Variants in MPG observed in about 807,000 individuals in gnomAD.
MPG encodes the protein DNA-3-methyladenine glycosylase.
Under a neutral mutation model 31.7 loss-of-function variants are expected in MPG, and 33 were observed. The observed-to-expected ratio is 1.04, with a 90% CI of 0.79 to 1.39. The LOEUF is 1.39. Among genes scored for constraint, MPG ranks in the 40% most tolerant of loss-of-function variants. The probability of loss-of-function intolerance (pLI) is 0.00; values close to 1 mark genes in which losing one functional copy is unlikely to be tolerated. For missense variants in MPG, 455 were observed against 415.5 expected (o/e 1.10, Z -0.83); for synonymous variants, 202 against 169.2 (o/e 1.19, Z -1.51).
At chr16:77,052 C>T (rs1343508996), upstream of MPG, 1 of 152,306 alleles carries the variant, frequency 6.6e-6, no homozygotes, top group African/African-American at 2.4e-5. Context: ...GACACATGGC[C>T]TGTGCGTCTG....
At chr16:80,006 C>T (rs1194112740) in intron 2 of MPG, among the ~76,000 whole-genome samples, 1 of 152,258 alleles carries the variant, frequency 6.6e-6, no homozygotes, top group Non-Finnish European at 1.5e-5. Flanking sequence ...GGCAATCCAC[C>T]TCAGTTTTTC....
chr16:85,685 G>T lies in MPG; in HGVS notation c.790G>T (p.Glu264Ter), dbSNP rs778997276. 7.1e-5 allele frequency: 110 copies of T among 1,557,242 alleles called. No homozygotes were observed. Among genetic ancestry groups the T allele is most frequent in the Non-Finnish European group, 9.3e-5 (107 of 1,148,838 alleles). Residue 264 changes from glutamate to a stop codon, truncating the protein, a stop_gained, in exon 4 of 4, where the codon GAG becomes TAG. Transcript: ENST00000356432. LOFTEE classifies it high-confidence loss of function. ...AARVGVGHAG[E>*]WARKPLRFYV... The stretch of plus-strand genomic sequence containing the variant: ...CCGGGTGGGCGTCGGCCATGCAGGG[G>T]AGTGGGCCCGGAAACCCCTCCGCTT...
At position 85,586 on chromosome 16, in the gene MPG, C is replaced by T; in HGVS notation, c.691C>T (p.Leu231=). The T allele has an allele frequency of 1.2e-6, 2 of 1,613,062 alleles. No homozygotes were observed. The highest frequency in any genetic ancestry group is 1.7e-6 in the Non-Finnish European group (2 of 1,179,708). The change falls in exon 4 of 4, where the codon CTG becomes TTG. Residue 231 remains leucine, a synonymous_variant. Transcript: ENST00000356432. ...AINKSFDQRD[L]AQDEAVWLER... ...CAACAAGAGCTTTGACCAGAGGGAC[C>T]TGGCACAGGATGAAGCTGTATGGCT...
At chr16:80,883 AG>A (rs1316143470) in intron 2 of MPG, among the ~76,000 whole-genome samples, 12 of 152,234 alleles carry the variant, frequency 7.9e-5, no homozygotes, top group African/African-American at 2.9e-4. Flanking sequence ...TCGTAGGAAC[AG>A]GGCAAGGGCG....
At chr16:80,548 T>C (rs769129511) in intron 2 of MPG, among the ~76,000 whole-genome samples, 15 of 152,208 alleles carry the variant, frequency 9.9e-5, no homozygotes, top group Admixed American at 3.3e-4. Flanking sequence ...TGGTGGCTCA[T>C]GCCGGTAATC....
At position 83,119 on chromosome 16, in the gene MPG, TG is replaced by T; in HGVS notation, c.372del (p.Pro125GlnfsTer22). 1 of 1,612,990 alleles carries T rather than the reference TG, an allele frequency of 6.2e-7. No homozygotes were observed. Among genetic ancestry groups the T allele is most frequent in the South Asian group, 1.1e-5 (1 of 91,060 alleles). On this transcript the variant is annotated frameshift_variant, in exon 3 of 4. Coordinates refer to ENST00000356432, the MANE Select transcript of MPG (RefSeq NM_001015052.3). LOFTEE classifies it high-confidence loss of function. ...CGCATCGTGGAGACCGAGGCATACC[TG>T]GGGCCAGAGGATGAAGCCGCCCACT... is the stretch of plus-strand genomic sequence containing the variant. ...RGRIVETEAY[L>X]GPEDEAAHSR...
intron 3 of MPG, among the ~76,000 whole-genome samples, chr16:85,035 G>A (rs1030766287): frequency 2.6e-5 from 4 of 152,274 alleles, no homozygotes; most frequent in Admixed American, 2.6e-4. Flanking sequence ...AAGACCAGGG[G>A]AAGCCAGGTG....
chr16:81,172 T>C (rs547092839), intron 2 of MPG, among the ~76,000 whole-genome samples: 1 of 152,266 alleles, frequency 6.6e-6, no homozygotes, highest in East Asian at 1.9e-4. Flanking sequence ...CTCTCTGGGC[T>C]GAGGAGGGTG....
Position 83,767 on chromosome 16 carries a change from G to T in MPG, c.505+511G>T, listed in dbSNP as rs3176423. On this transcript the variant is annotated intron_variant, in intron 3 of 3. Transcript: ENST00000356432. ...AAAAAAAAAAAAAAGGAAAGGAAAAGAAAGGGTTGGTTGGAGTGGAGGCAG... is the reference window on the plus strand; with the variant it reads ...AAAAAAAAAAAAAAGGAAAGGAAAATAAAGGGTTGGTTGGAGTGGAGGCAG... Among the ~76,000 whole-genome samples the T allele has an allele frequency of 7.6e-3, 1,152 of 151,362 alleles. 10 individuals carry two copies. Among genetic ancestry groups the T allele is most frequent in the Non-Finnish European group, 0.013 (884 of 67,792 alleles).
rs1006181928 is a variant in MPG at position 78,994 on chromosome 16, T to TGTCC, written c.25-429_25-428insCCGT. On this transcript the variant is annotated intron_variant, in intron 1 of 3. Coordinates refer to ENST00000356432, the MANE Select transcript of MPG (RefSeq NM_001015052.3). ...TCCGACCTTGGCCCTGCTAAGATCC[T>TGTCC]GTGTTTTGAATTCTGGCAAGGGTTG... 2.2e-6 allele frequency: 3 copies of TGTCC among 1,378,610 alleles called. No homozygotes were observed. The African/African-American group carries it at 4.4e-5, about 20-fold the overall frequency. 85.4% of individuals were successfully genotyped at this position (1,378,610 alleles called of 1,614,324 possible).
At chr16:78,479 A>G (rs1010203209) in intron 1 of MPG, 146 bp downstream of exon 1, 3 of 728,848 alleles carry the variant, frequency 4.1e-6, no homozygotes, top group Non-Finnish European at 5.3e-6. Flanking sequence ...GCATAGGCCA[A>G]GGGCCAAGCT....
intron 2 of MPG, among the ~76,000 whole-genome samples, chr16:81,933 C>T (rs1291057846): frequency 4.5e-5 from 6 of 133,236 alleles, no homozygotes; most frequent in African/African-American, 1.3e-4. Context: ...TTCTTCCCAC[C>T]ACCCTACCTC....
chr16:83,049 C>T lies in MPG; in HGVS notation c.301-3C>T, dbSNP rs762993083. On this transcript the variant is annotated splice_region_variant and splice_polypyrimidine_tract_variant and intron_variant, in intron 2 of 3. Transcript: ENST00000356432. ...GCCCTGAGCAGAAACTGACTGCCCA[C>T]AGGTCCTAGTCCGGCGACTTCCTAA... 7 of 1,588,908 alleles carry T rather than the reference C, an allele frequency of 4.4e-6. 1 individual carries two copies. In the South Asian group the frequency reaches 6.8e-5, roughly 15 times the overall value.
Position 78,269 on chromosome 16 carries a change from C to T in MPG, c.-41C>T, listed in dbSNP as rs1448610505. On this transcript the variant is annotated 5_prime_UTR_variant, in exon 1 of 4. Transcript: ENST00000356432. ...TGGTCGGCGGCTGCTGGGCTCCGCG[C>T]CGGGGTCCGAGTCCCACGAAGCCCC... 3 of 1,370,110 alleles carry T rather than the reference C, an allele frequency of 2.2e-6. No homozygotes were observed. The highest frequency in any genetic ancestry group is 3.1e-5 in the South Asian group (2 of 64,484). The allele number at this position is 1,370,110 out of a possible 1,614,324, so 84.9% of individuals were successfully genotyped here.
chr16:85,104 C>T (rs886797770), intron 3 of MPG, among the ~76,000 whole-genome samples: 13 of 152,318 alleles, frequency 8.5e-5, no homozygotes, highest in Middle Eastern at 3.4e-3. Flanking sequence ...TTTGTGGGGG[C>T]GGCCACAGTG....
At chr16:81,444 C>A (rs947123388) in intron 2 of MPG, among the ~76,000 whole-genome samples, 7 of 152,184 alleles carry the variant, frequency 4.6e-5, no homozygotes, top group Non-Finnish European at 8.8e-5. Context: ...GGCATTCCCT[C>A]TAAGCTCCAG....
At chr16:81,683 CACACT>C (rs1898241931) in intron 2 of MPG, among the ~76,000 whole-genome samples, 1 of 121,254 alleles carries the variant, frequency 8.2e-6, no homozygotes, top group African/African-American at 4.2e-5. Context: ...GAATGCTCCC[CACACT>C]GACCCCTTCT....
Position 79,532 on chromosome 16 carries a change from C to CGATGCAG in MPG, c.133_139dup (p.Ala47GlyfsTer64), listed in dbSNP as rs371197661. 59 of 1,612,976 alleles carry CGATGCAG rather than the reference C, an allele frequency of 3.7e-5. No individual in the cohort carries two copies. In the African/African-American group the frequency reaches 5.9e-4, roughly 16 times the overall value. On this transcript the variant is annotated frameshift_variant, in exon 2 of 4. Transcript: ENST00000356432. LOFTEE classifies it high-confidence loss of function. ...CTGCAGAGCAGCCACACAGCTCGTC[C>CGATGCAG]GATGCAGCCCAGGCACCTTGCCCCA...
Position 85,662 on chromosome 16 carries a change from G to C in MPG, c.767G>C (p.Arg256Pro), listed in dbSNP as rs774213821. 3 of 1,584,064 alleles carry C rather than the reference G, an allele frequency of 1.9e-6. No homozygotes were observed. In the South Asian group the frequency reaches 3.4e-5, roughly 18 times the overall value. Residue 256 changes from arginine (R) to proline (P), a missense_variant, in exon 4 of 4, where the codon CGG becomes CCG. Transcript: ENST00000356432. Reference protein sequence around the residue: ...PSEPAVVAAARVGVGHAGEWA... With the variant: ...PSEPAVVAAAPVGVGHAGEWA... ...GAGCCGGCTGTAGTGGCAGCAGCCC[G>C]GGTGGGCGTCGGCCATGCAGGGGAG...
Sources: allele counts gnomAD v4.1 joint callset (sites outside exome capture counted in the v4.1 genomes callset), GRCh38; gene constraint gnomAD v4.1.1; transcripts MANE v1.5; gene names NCBI Gene and HGNC (gene_info 2026-07-23, HGNC 2026-07-21).